Variants in GABRB1 observed in about 807,000 individuals in gnomAD.
GABRB1 encodes the protein gamma-aminobutyric acid type A receptor subunit beta1, also known as gamma-aminobutyric acid receptor subunit beta-1.
A neutral mutation model predicts 51.6 loss-of-function variants in GABRB1; 17 were observed. The observed-to-expected ratio is 0.33, with a 90% CI of 0.23 to 0.49. The LOEUF is 0.49. Ranked by LOEUF, GABRB1 falls within the 20% of genes least tolerant of loss-of-function variation. The pLI, the probability that GABRB1 is intolerant of heterozygous loss-of-function variation, is 0.99. For missense variants in GABRB1, 410 were observed against 600.6 expected (o/e 0.68, Z 3.32); for synonymous variants, 247 against 218.9 (o/e 1.13, Z -1.14).
intron 4 of GABRB1, among the ~76,000 whole-genome samples, chr4:47,278,043 CTTATATTTGGAGAGACAAGTT>C (rs1723150584): frequency 6.6e-6 from 1 of 152,048 alleles, no homozygotes; most frequent in South Asian, 2.1e-4. Context: ...CTTTTACCAC[CTTATATTTGGAGAGACAAGTT>C]TTATATTTGG....
intron 3 of GABRB1, among the ~76,000 whole-genome samples, chr4:47,061,865 AT>A (rs1319036700): frequency 2.0e-5 from 3 of 151,992 alleles, no homozygotes; most frequent in Non-Finnish European, 4.4e-5. Flanking sequence ...CCTCAGGTGA[AT>A]TTTTTATATG....
intron 3 of GABRB1, among the ~76,000 whole-genome samples, chr4:47,093,106 T>C (rs1199899176): frequency 2.0e-5 from 3 of 152,214 alleles, no homozygotes; most frequent in African/African-American, 7.2e-5. Context: ...CAGAAATTTC[T>C]GGAGAAAATT....
At chr4:47,344,518 A>G (rs927520027) in intron 5 of GABRB1, among the ~76,000 whole-genome samples, 1 of 152,216 alleles carries the variant, frequency 6.6e-6, no homozygotes, top group Non-Finnish European at 1.5e-5. Flanking sequence ...ATAGAAAGTC[A>G]TGTATAACTA....
At chr4:47,327,170 C>T (rs1725290533) in intron 5 of GABRB1, among the ~76,000 whole-genome samples, 1 of 151,970 alleles carries the variant, frequency 6.6e-6, no homozygotes, top group Non-Finnish European at 1.5e-5. Context: ...TACAGTCTTT[C>T]ATTTGTATAA....
chr4:47,122,062 G>A (rs1374469969), intron 3 of GABRB1, among the ~76,000 whole-genome samples: 1 of 151,906 alleles, frequency 6.6e-6, no homozygotes, highest in Non-Finnish European at 1.5e-5. Context: ...TAGACTCTCA[G>A]ACTCCAAAAA....
At chr4:47,327,649 C>T (rs1052120918) in intron 5 of GABRB1, among the ~76,000 whole-genome samples, 4 of 152,044 alleles carry the variant, frequency 2.6e-5, no homozygotes, top group African/African-American at 7.2e-5. Context: ...TAGTCCTTGT[C>T]GTATGTATTT....
intron 3 of GABRB1, among the ~76,000 whole-genome samples, chr4:47,146,205 G>A (rs1717164021): frequency 6.6e-6 from 1 of 151,994 alleles, no homozygotes; most frequent in Admixed American, 6.6e-5. Flanking sequence ...AAAAAAATTT[G>A]CTGAGCCAGA....
At chr4:47,363,163 T>C (rs1726866951) in intron 5 of GABRB1, among the ~76,000 whole-genome samples, 1 of 152,000 alleles carries the variant, frequency 6.6e-6, no homozygotes, top group Admixed American at 6.6e-5. Flanking sequence ...CCAGGTAGAG[T>C]GGTAAGCACT....
chr4:47,206,875 TG>T (rs1720147453), intron 4 of GABRB1, among the ~76,000 whole-genome samples: 1 of 151,594 alleles, frequency 6.6e-6, no homozygotes, highest in Non-Finnish European at 1.5e-5. Context: ...TATGTGTGTG[TG>T]TATGTATATA....
intron 3 of GABRB1, among the ~76,000 whole-genome samples, chr4:47,095,158 T>G (rs1714344361): frequency 6.6e-6 from 1 of 152,018 alleles, no homozygotes; most frequent in Non-Finnish European, 1.5e-5. Flanking sequence ...TGAATCCCTT[T>G]AACAGATTTT....
intron 3 of GABRB1, among the ~76,000 whole-genome samples, chr4:47,121,161 C>T (rs1715758487): frequency 6.6e-6 from 1 of 152,190 alleles, no homozygotes; most frequent in Non-Finnish European, 1.5e-5. Context: ...AACTCAGGCT[C>T]TGACCACTCC....
chr4:47,293,339 C>T (rs1458072581), intron 4 of GABRB1, among the ~76,000 whole-genome samples: 2 of 152,012 alleles, frequency 1.3e-5, no homozygotes, highest in Non-Finnish European at 2.9e-5. Context: ...GGGGTTTCTC[C>T]ATGTTGTCAG....
At chr4:47,195,464 TA>T (rs1333172739) in intron 4 of GABRB1, among the ~76,000 whole-genome samples, 3 of 85,384 alleles carry the variant, frequency 3.5e-5, no homozygotes, top group Admixed American at 1.2e-4. Flanking sequence ...GATTAGATGA[TA>T]GATAGATAGA....
chr4:47,141,339 A>G (rs1716926106), intron 3 of GABRB1, among the ~76,000 whole-genome samples: 1 of 151,906 alleles, frequency 6.6e-6, no homozygotes, highest in African/African-American at 2.4e-5. Context: ...CACATGCCCA[A>G]GCTCTCAAGT....
intron 8 of GABRB1, among the ~76,000 whole-genome samples, chr4:47,408,660 G>A (rs1395304589): frequency 1.3e-5 from 2 of 152,158 alleles, no homozygotes; most frequent in Non-Finnish European, 2.9e-5. Flanking sequence ...TATAAAATGA[G>A]ACAGGACACA....
intron 1 of GABRB1, among the ~76,000 whole-genome samples, chr4:47,019,430 G>A (rs1444926435): frequency 1.3e-5 from 2 of 148,384 alleles, no homozygotes; most frequent in Non-Finnish European, 3.0e-5. Context: ...ATTAAACACT[G>A]TATTAGTTTG....
chr4:47,359,530 A>G (rs1726720338), intron 5 of GABRB1, among the ~76,000 whole-genome samples: 1 of 152,104 alleles, frequency 6.6e-6, no homozygotes, highest in African/African-American at 2.4e-5. Flanking sequence ...CTGAAGAAAA[A>G]AATGACCCAA....
At chr4:47,159,269 G>A (rs192476467) in intron 3 of GABRB1, among the ~76,000 whole-genome samples, 45 of 152,020 alleles carry the variant, frequency 3.0e-4, no homozygotes, top group African/African-American at 1.0e-3. Flanking sequence ...ATGGCCAAGT[G>A]AGACTGTCTC....
intron 5 of GABRB1, among the ~76,000 whole-genome samples, chr4:47,343,902 T>C (rs1316332066): frequency 6.6e-6 from 1 of 152,204 alleles, no homozygotes; most frequent in Non-Finnish European, 1.5e-5. Flanking sequence ...TGCTCAGAGT[T>C]ACACATCTAG....
Sources: allele counts gnomAD v4.1 joint callset (sites outside exome capture counted in the v4.1 genomes callset), GRCh38; gene constraint gnomAD v4.1.1; transcripts MANE v1.5; gene names NCBI Gene and HGNC (gene_info 2026-07-23, HGNC 2026-07-21).